TEAD1: variants seen among roughly 807,000 people sequenced by gnomAD.
The protein encoded by TEAD1 is transcriptional enhancer factor TEF-1.
TEAD1 carries 9 observed loss-of-function variants against 54.9 expected under a neutral mutation model. The ratio of observed to expected loss-of-function variants is 0.16; its 90% CI spans 0.10 to 0.29. TEAD1 has a LOEUF of 0.29. Ranked by LOEUF, TEAD1 falls within the 10% of genes least tolerant of loss-of-function variation. The pLI, the probability that TEAD1 is intolerant of heterozygous loss-of-function variation, is 1.00. For missense variants in TEAD1, 387 were observed against 535.9 expected (o/e 0.72, Z 2.74); for synonymous variants, 200 against 187.8 (o/e 1.07, Z -0.53).
chr11:12,842,236 G>GC (rs1947056639), intron 3 of TEAD1, among the ~76,000 whole-genome samples: 1 of 152,196 alleles, frequency 6.6e-6, no homozygotes, highest in South Asian at 2.1e-4. Flanking sequence ...AATCTCTGCA[G>GC]CAAGATGGAG....
chr11:12,919,990 A>T (rs1446099363), intron 10 of TEAD1, among the ~76,000 whole-genome samples: 4 of 152,190 alleles, frequency 2.6e-5, no homozygotes, highest in Admixed American at 2.6e-4. Context: ...TCCAGTGGTT[A>T]AACAGATTTG....
intron 1 of TEAD1, among the ~76,000 whole-genome samples, chr11:12,675,076 A>G (rs959752792): frequency 8.9e-5 from 13 of 145,422 alleles, no homozygotes; most frequent in African/African-American, 2.7e-4. Flanking sequence ...GCGCGCTGGG[A>G]GCCCGCGCGG....
At chr11:12,928,472 T>C in intron 11 of TEAD1, among the ~76,000 whole-genome samples, 1 of 151,992 alleles carries the variant, frequency 6.6e-6, no homozygotes, top group East Asian at 1.9e-4. Context: ...TTTGTAGAAA[T>C]GTGGTTTCGC....
chr11:12,808,460 C>T (rs2133984655), intron 3 of TEAD1, among the ~76,000 whole-genome samples: 1 of 152,308 alleles, frequency 6.6e-6, no homozygotes, highest in East Asian at 1.9e-4. Flanking sequence ...GTGCCTTCCT[C>T]TTCGCTAAGC....
At chr11:12,828,376 A>C (rs966022756) in intron 3 of TEAD1, 2 of 152,172 alleles carry the variant, frequency 1.3e-5, no homozygotes, top group African/African-American at 2.4e-5. Context: ...TTTATAGCTT[A>C]TGCAGCAGAC....
At chr11:12,707,619 T>TAG (rs200228636) in intron 2 of TEAD1, among the ~76,000 whole-genome samples, 7 of 151,960 alleles carry the variant, frequency 4.6e-5, no homozygotes, top group Non-Finnish European at 8.8e-5. Flanking sequence ...GGGTGTCTGC[T>TAG]AGAGAGAGAG....
At chr11:12,830,299 G>T (rs953731589) in intron 3 of TEAD1, among the ~76,000 whole-genome samples, 1 of 152,096 alleles carries the variant, frequency 6.6e-6, no homozygotes, top group African/African-American at 2.4e-5. Context: ...GCAGTGGGGG[G>T]CATCCCAGTG....
chr11:12,879,917 C>A (rs1191151347), intron 6 of TEAD1, 75 bp downstream of exon 6: 10 of 1,601,910 alleles, frequency 6.2e-6, no homozygotes, highest in Non-Finnish European at 8.5e-6. Context: ...AAGCCTCCCA[C>A]CTCCATTTCT....
At chr11:12,796,774 G>C (rs1012572088) in intron 3 of TEAD1, among the ~76,000 whole-genome samples, 4 of 151,678 alleles carry the variant, frequency 2.6e-5, no homozygotes, top group African/African-American at 9.7e-5. Flanking sequence ...AAACATGGAA[G>C]AGTTATTGGA....
At chr11:12,911,052 A>G (rs756380121) in intron 10 of TEAD1, among the ~76,000 whole-genome samples, 1 of 152,260 alleles carries the variant, frequency 6.6e-6, no homozygotes, top group Non-Finnish European at 1.5e-5. Flanking sequence ...TGGCCAATTT[A>G]CTTTCTTAAC....
chr11:12,889,428 C>T (rs1431259928), intron 9 of TEAD1, among the ~76,000 whole-genome samples: 1 of 152,176 alleles, frequency 6.6e-6, no homozygotes, highest in African/African-American at 2.4e-5. Flanking sequence ...TGGCAAACCC[C>T]TGCCTGCTCA....
At chr11:12,730,026 A>G (rs1420535171) in intron 2 of TEAD1, among the ~76,000 whole-genome samples, 2 of 152,130 alleles carry the variant, frequency 1.3e-5, no homozygotes, top group Non-Finnish European at 2.9e-5. Flanking sequence ...TGGGTCTAAC[A>G]TAGGTGACCA....
chr11:12,725,248 C>T (rs1185863729), intron 2 of TEAD1, among the ~76,000 whole-genome samples: 3 of 152,122 alleles, frequency 2.0e-5, no homozygotes, highest in African/African-American at 7.2e-5. Context: ...AAGCAGCTAG[C>T]CGGTGGAAAG....
chr11:12,924,798 C>T (rs1037233489), intron 10 of TEAD1, 114 bp from the exon 11 acceptor site: 1 of 1,343,136 alleles, frequency 7.4e-7, no homozygotes, highest in South Asian at 1.2e-5. Flanking sequence ...CATCACCTTC[C>T]CAAGCCAGCC....
intron 3 of TEAD1, among the ~76,000 whole-genome samples, chr11:12,837,779 C>CTCTTCTTTCT (rs1554940225): frequency 1.4e-5 from 2 of 138,570 alleles, no homozygotes; most frequent in Non-Finnish European, 3.0e-5. Context: ...CCTTCTCTTC[C>CTCTTCTTTCT]TCTTCTTCCT....
intron 5 of TEAD1, among the ~76,000 whole-genome samples, chr11:12,866,078 A>C (rs1947608721): frequency 6.6e-6 from 1 of 152,306 alleles, no homozygotes; most frequent in South Asian, 2.1e-4. Context: ...AGTGGGCAGC[A>C]TGCTGGCTCG....
chr11:12,748,738 C>T (rs867667275), intron 2 of TEAD1, among the ~76,000 whole-genome samples: 6 of 151,638 alleles, frequency 4.0e-5, no homozygotes, highest in Non-Finnish European at 7.4e-5. Flanking sequence ...TTGGCAGTGG[C>T]GAGAGTGTGG....
At chr11:12,861,013 A>G (rs1341999162) in intron 3 of TEAD1, among the ~76,000 whole-genome samples, 1 of 152,206 alleles carries the variant, frequency 6.6e-6, no homozygotes, top group Non-Finnish European at 1.5e-5. Context: ...TTCTTGACCA[A>G]AGGAATTTTT....
chr11:12,879,499 C>A, intron 5 of TEAD1: 1 of 682,864 alleles, frequency 1.5e-6, no homozygotes, highest in South Asian at 1.6e-5. Context: ...AAGCCTTGCC[C>A]CATTGGGTCT....
Sources: allele counts gnomAD v4.1 joint callset (sites outside exome capture counted in the v4.1 genomes callset), GRCh38; gene constraint gnomAD v4.1.1; transcripts MANE v1.5; gene names NCBI Gene and HGNC (gene_info 2026-07-23, HGNC 2026-07-21).